Variants in SECISBP2 observed in about 807,000 individuals in gnomAD.
SECISBP2 encodes selenocysteine insertion sequence-binding protein 2.
SECISBP2 carries 96 observed loss-of-function variants against 98.2 expected under a neutral mutation model. That is an observed-to-expected ratio of 0.98 (90% CI 0.83 to 1.16). The LOEUF is 1.16. SECISBP2 is among the 50% of genes most tolerant of loss of function. SECISBP2 has a pLI of 0.00. For synonymous variants in SECISBP2, 407 were observed against 370.2 expected (o/e 1.10, Z -1.14); for missense variants, 1,046 against 1,022.9 (o/e 1.02, Z -0.31).
intron 8 of SECISBP2, among the ~76,000 whole-genome samples, chr9:89,339,127 C>T (rs1829259868): frequency 1.3e-5 from 2 of 152,174 alleles, no homozygotes; most frequent in Admixed American, 6.5e-5. Context: ...TTCTCGTGTG[C>T]CTGGTTGTTT....
chr9:89,340,418 T>C (rs1829482311), intron 9 of SECISBP2, among the ~76,000 whole-genome samples: 1 of 152,192 alleles, frequency 6.6e-6, no homozygotes, highest in Admixed American at 6.5e-5. Context: ...ACCTACCCCG[T>C]AGATTCAGGA....
At position 89,332,892 on chromosome 9, in the gene SECISBP2, T is replaced by C; in HGVS notation, c.802-16T>C. The C allele has an allele frequency of 1.2e-6, 2 of 1,600,068 alleles. No individual in the cohort carries two copies. The highest frequency in any genetic ancestry group is 1.7e-6 in the Non-Finnish European group (2 of 1,167,456). ...TTTGCATTTCTCTGATGACATCTAA[T>C]GTGTTTGCTTTTTAGGGTGAAATAG... On this transcript the variant is annotated splice_polypyrimidine_tract_variant and intron_variant, in intron 5 of 16. Coordinates refer to ENST00000375807, the MANE Select transcript of SECISBP2 (RefSeq NM_024077.5).
At chr9:89,324,188 G>A (rs1826293793) in intron 2 of SECISBP2, 1 of 152,132 alleles carries the variant, frequency 6.6e-6, no homozygotes, top group African/African-American at 2.4e-5. Context: ...AGAATTCACA[G>A]GAACATGTAG....
intron 14 of SECISBP2, among the ~76,000 whole-genome samples, chr9:89,352,900 T>C (rs1446692415): frequency 1.3e-5 from 2 of 152,094 alleles, no homozygotes; most frequent in East Asian, 3.8e-4. Flanking sequence ...ATTTTAATGA[T>C]GCCTAGTTCC....
At chr9:89,322,439 T>G (rs1470283651) in intron 2 of SECISBP2, 1 of 152,254 alleles carries the variant, frequency 6.6e-6, no homozygotes, top group Non-Finnish European at 1.5e-5. Flanking sequence ...TCTTTCATAG[T>G]TACTACAATC....
At chr9:89,350,924 C>A in intron 14 of SECISBP2, 72 bp downstream of exon 14, 1 of 1,273,666 alleles carries the variant, frequency 7.9e-7, no homozygotes, top group Non-Finnish European at 1.1e-6. Context: ...GTGTTTGCCA[C>A]ACACCTCAGC....
Position 89,338,536 on chromosome 9 carries a change from T to A in SECISBP2, c.1168T>A (p.Ser390Thr). The A allele has an allele frequency of 6.2e-7, 1 of 1,613,080 alleles. No homozygotes were observed. Among genetic ancestry groups the A allele is most frequent in the Non-Finnish European group, 8.5e-7 (1 of 1,179,690 alleles). The change falls in exon 8 of 17, where the codon TCA becomes ACA. Residue 390 changes from serine to threonine, a missense_variant. Coordinates refer to ENST00000375807, the MANE Select transcript of SECISBP2 (RefSeq NM_024077.5). ...TAAGAAAAAGAAAGAAAAATCTACA[T>A]CAAAATATGAAGTCCTGACAGTTCA... ...KNKKKKEKSTSKYEVLTVQEP... is the reference protein window; with the variant it reads ...KNKKKKEKSTTKYEVLTVQEP...
At chr9:89,350,349 G>T (rs1389249485) in intron 13 of SECISBP2, among the ~76,000 whole-genome samples, 1 of 152,260 alleles carries the variant, frequency 6.6e-6, no homozygotes, top group African/African-American at 2.4e-5. Flanking sequence ...ATGACAGGGA[G>T]ATGCACGGGG....
intron 2 of SECISBP2, 84 bp from the exon 3 acceptor site, chr9:89,325,343 G>A (rs530980733): frequency 6.3e-6 from 8 of 1,268,932 alleles, no homozygotes; most frequent in Non-Finnish European, 9.1e-6. Flanking sequence ...AATATTAAAT[G>A]TTCAGTTTGA....
chr9:89,353,523 C>T (rs1301766299), intron 14 of SECISBP2, among the ~76,000 whole-genome samples: 1 of 152,188 alleles, frequency 6.6e-6, no homozygotes, highest in African/African-American at 2.4e-5. Context: ...AGTGTTCAAC[C>T]AGCCCTCTTC....
At chr9:89,348,876 T>G (rs192796871) in intron 12 of SECISBP2, among the ~76,000 whole-genome samples, 1 of 152,380 alleles carries the variant, frequency 6.6e-6, no homozygotes, top group East Asian at 1.9e-4. Flanking sequence ...TTCATTACTG[T>G]GTAAAATTCG....
At chr9:89,322,003 G>A (rs1484103066) in intron 2 of SECISBP2, among the ~76,000 whole-genome samples, 1 of 152,206 alleles carries the variant, frequency 6.6e-6, no homozygotes, top group Non-Finnish European at 1.5e-5. Context: ...AGCATCCTAA[G>A]TCAACTTTGT....
At position 89,334,733 on chromosome 9, in the gene SECISBP2, A is replaced by T; in HGVS notation, c.1089+3A>T. The T allele has an allele frequency of 6.2e-7, 1 of 1,608,304 alleles. No homozygotes were observed. On this transcript the variant is annotated splice_donor_region_variant and intron_variant, in intron 7 of 16. Transcript: ENST00000375807. Reference sequence around the variant, plus strand: ...ACATTATTCATCCTACCCAAAAGGTACGTGTCACTAGAGACAGAAAGTAGG... The same window carrying T: ...ACATTATTCATCCTACCCAAAAGGTTCGTGTCACTAGAGACAGAAAGTAGG...
At chr9:89,362,233 T>C, downstream of SECISBP2, 3 of 1,153,380 alleles carry the variant, frequency 2.6e-6, no homozygotes, top group East Asian at 4.7e-5. Context: ...GCTTCTCCAC[T>C]GTCCCGCCTC....
chr9:89,334,181 T>C (rs562780572), intron 6 of SECISBP2: 4 of 1,181,464 alleles, frequency 3.4e-6, no homozygotes, highest in East Asian at 1.2e-4. Flanking sequence ...ATTTGATCTT[T>C]AGTTCGTTAA....
chr9:89,357,690 C>G (rs747560418), intron 15 of SECISBP2, 125 bp downstream of exon 15: 26 of 1,183,962 alleles, frequency 2.2e-5, no homozygotes, highest in Non-Finnish European at 3.1e-5. Flanking sequence ...TGAGGAGGAG[C>G]CACCACTTAG....
intron 10 of SECISBP2, 123 bp downstream of exon 10, chr9:89,341,602 G>A: frequency 1.8e-6 from 2 of 1,136,500 alleles, no homozygotes; most frequent in Admixed American, 1.9e-5. Flanking sequence ...GCTAGAATAA[G>A]CATAGATAAG....
At chr9:89,326,846 CAT>C (rs1475403869) in intron 4 of SECISBP2, among the ~76,000 whole-genome samples, 1 of 152,142 alleles carries the variant, frequency 6.6e-6, no homozygotes, top group East Asian at 1.9e-4. Context: ...GCAGTTGTAA[CAT>C]AGTGGTAAGT....
rs981893917 is a variant in SECISBP2, at chr9:89,355,190, G to T, written c.2114-2221G>T. ...GTTCTTCTCTTGAAATGAGAGGATC[G>T]ATATGTAAGTAGATTCCAGGTGATA... is the stretch of plus-strand genomic sequence containing the variant. On this transcript the variant is annotated intron_variant, in intron 14 of 16. Transcript: ENST00000375807. The T allele has an allele frequency of 1.0e-5, 10 of 985,288 alleles. No homozygotes were observed. In the African/African-American group the frequency reaches 1.6e-4, roughly 15 times the overall value. The allele number at this position is 985,288 out of a possible 1,614,324, so 61.0% of individuals were successfully genotyped here.
Sources: allele counts gnomAD v4.1 joint callset (sites outside exome capture counted in the v4.1 genomes callset), GRCh38; gene constraint gnomAD v4.1.1; transcripts MANE v1.5; gene names NCBI Gene and HGNC (gene_info 2026-07-23, HGNC 2026-07-21).